Variants in PHF20L1 observed in about 807,000 individuals in gnomAD.
PHF20L1 encodes PHD finger protein 20-like protein 1.
Under a neutral mutation model 125.5 loss-of-function variants are expected in PHF20L1, and 44 were observed. The ratio of observed to expected loss-of-function variants is 0.35; its 90% CI spans 0.28 to 0.45. The LOEUF is 0.45. Among genes scored for constraint, PHF20L1 ranks in the 20% least tolerant of loss-of-function variants. PHF20L1 has a pLI of 1.00. For synonymous variants in PHF20L1, 380 were observed against 403.1 expected (o/e 0.94, Z 0.69); for missense variants, 1,012 against 1,217.2 (o/e 0.83, Z 2.51).
chr8:132,796,155 A>T (rs950965167), intron 4 of PHF20L1, among the ~76,000 whole-genome samples: 1 of 152,112 alleles, frequency 6.6e-6, no homozygotes, highest in Non-Finnish European at 1.5e-5. Context: ...TAGTGATCAA[A>T]GTGCTTTTCT....
chr8:132,792,955 C>G (rs1387924409), intron 2 of PHF20L1, among the ~76,000 whole-genome samples: 2 of 139,616 alleles, frequency 1.4e-5, no homozygotes, highest in Non-Finnish European at 3.0e-5. Context: ...TTGAGAAGAC[C>G]CCTTTTTTCT....
chr8:132,839,415 T>C lies in PHF20L1; in HGVS notation c.2220T>C (p.Tyr740=), dbSNP rs373167822. 20 of 1,613,272 alleles carry C rather than the reference T, an allele frequency of 1.2e-5. No homozygotes were observed. Among genetic ancestry groups the C allele is most frequent in the Admixed American group, 6.7e-5 (4 of 59,952 alleles). Residue 740 remains tyrosine (Y), a synonymous_variant, in exon 18 of 21, where the codon TAT becomes TAC. Coordinates refer to ENST00000395386, the MANE Select transcript of PHF20L1 (RefSeq NM_016018.5). ...PGQRWSAKYR[Y]DKEWLNNGRM... is the part of the protein sequence containing the mutation. ...AGAGGTGGAGTGCAAAATATCGTTA[T>C]GATAAGGAGTGGTTGAATAATGGGA...
chr8:132,791,816 G>A (rs1257078101), intron 2 of PHF20L1, among the ~76,000 whole-genome samples: 1 of 152,170 alleles, frequency 6.6e-6, no homozygotes, highest in Non-Finnish European at 1.5e-5. Context: ...TATGTAGAGA[G>A]TACAGCATGC....
chr8:132,775,913 C>G (rs1030485905), intron 1 of PHF20L1, among the ~76,000 whole-genome samples: 2 of 152,210 alleles, frequency 1.3e-5, no homozygotes, highest in African/African-American at 4.8e-5. Context: ...GTGCCACCCC[C>G]TCTCTGTCTG....
chr8:132,840,835 T>C (rs1206331431), intron 18 of PHF20L1, among the ~76,000 whole-genome samples: 1 of 152,110 alleles, frequency 6.6e-6, no homozygotes, highest in Admixed American at 6.6e-5. Flanking sequence ...TTTATGCTTG[T>C]CTCCCCTTAC....
rs1002080777 is a variant in PHF20L1 at position 132,847,364 on chromosome 8, A to G, written c.*1441A>G. 6 of 152,612 alleles carry G rather than the reference A, an allele frequency of 3.9e-5. No individual in the cohort carries two copies. The highest frequency in any genetic ancestry group is 1.2e-4 in the African/African-American group (5 of 41,454). 9.5% of individuals were successfully genotyped at this position (152,612 alleles called of 1,614,324 possible). On this transcript the variant is annotated 3_prime_UTR_variant, in exon 21 of 21. Transcript: ENST00000395386. ...GGAGAAAGACTGTTAAGAGGAGGCT[A>G]TTTGATGACATAACACTTGAATATT... is the stretch of plus-strand genomic sequence containing the variant.
At chr8:132,835,477 AAG>A (rs1837254474) in intron 15 of PHF20L1, among the ~76,000 whole-genome samples, 1 of 152,084 alleles carries the variant, frequency 6.6e-6, no homozygotes, top group Non-Finnish European at 1.5e-5. Context: ...GTTATAAATA[AAG>A]ATTCCCCCGT....
At position 132,838,017 on chromosome 8, in the gene PHF20L1, ATTCAT is replaced by A; in HGVS notation, c.2191+213_2191+217del. On this transcript the variant is annotated intron_variant, in intron 17 of 20. Coordinates refer to ENST00000395386, the MANE Select transcript of PHF20L1 (RefSeq NM_016018.5). ...TATGTATCAATTAGCTTATAGTACA[ATTCAT>A]TTCATTATTCAGTGTGCCAGTTTCC... 6.5e-6 allele frequency: 3 copies of A among 460,966 alleles called. No individual in the cohort carries two copies. In the South Asian group the frequency reaches 7.4e-5, roughly 11 times the overall value. The allele number at this position is 460,966 out of a possible 1,614,324, so 28.6% of individuals were successfully genotyped here.
At chr8:132,807,062 A>G (rs1051222812) in intron 8 of PHF20L1, 6 of 152,080 alleles carry the variant, frequency 3.9e-5, no homozygotes, top group Non-Finnish European at 2.9e-5. Flanking sequence ...CATTGACAAT[A>G]TAGTTGCACA....
chr8:132,830,165 G>T (rs1836607722), intron 14 of PHF20L1, among the ~76,000 whole-genome samples: 1 of 152,000 alleles, frequency 6.6e-6, no homozygotes, highest in Non-Finnish European at 1.5e-5. Flanking sequence ...AGTTTCCAGA[G>T]GCTTCTGCAT....
chr8:132,796,809 G>A (rs1433136604), intron 4 of PHF20L1, among the ~76,000 whole-genome samples: 1 of 152,042 alleles, frequency 6.6e-6, no homozygotes, highest in African/African-American at 2.4e-5. Context: ...ACAATTTGTG[G>A]AAGTAAAGGA....
intron 16 of PHF20L1, among the ~76,000 whole-genome samples, chr8:132,837,366 A>G (rs1837476947): frequency 6.6e-6 from 1 of 152,060 alleles, no homozygotes; most frequent in Non-Finnish European, 1.5e-5. Flanking sequence ...ACTGCTACCA[A>G]CTTTTTTTTC....
At position 132,832,268 on chromosome 8, in the gene PHF20L1, T is replaced by G. The variant is rs1173965307; in HGVS notation, c.1778T>G (p.Phe593Cys). ...GACTATGAAGACAGTTCCCTCGAAT[T>G]TTTGGAAAGGTGCTCTTCTCCACTA... ...YSDYEDSSLE[F>C]LERCSSPLTR... is the part of the protein sequence containing the mutation. The change falls in exon 15 of 21, where the codon TTT becomes TGT. Residue 593 changes from phenylalanine to cysteine, a missense_variant. Physicochemically the swap from Phe to Cys is radical, Grantham distance 205. Around this residue, in one of 7 missense-constraint regions of PHF20L1, gnomAD observed 320 missense variants for 293.8 expected, o/e 1.09. Coordinates refer to ENST00000395386, the MANE Select transcript of PHF20L1 (RefSeq NM_016018.5). 6.2e-7 allele frequency: 1 copy of G among 1,603,770 alleles called. No homozygotes were observed. Among genetic ancestry groups the G allele is most frequent in the Non-Finnish European group, 8.5e-7 (1 of 1,171,100 alleles).
At chr8:132,776,768 G>T (rs1829834493) in intron 1 of PHF20L1, among the ~76,000 whole-genome samples, 1 of 152,164 alleles carries the variant, frequency 6.6e-6, no homozygotes, top group Non-Finnish European at 1.5e-5. Context: ...TTTTTAAACT[G>T]TAGGGAACAT....
intron 6 of PHF20L1, among the ~76,000 whole-genome samples, chr8:132,802,512 G>A (rs921801976): frequency 2.0e-5 from 3 of 151,636 alleles, no homozygotes; most frequent in Admixed American, 1.3e-4. Context: ...GCAGCTTATA[G>A]CTAATTGTAT....
chr8:132,804,528 G>A, intron 7 of PHF20L1, 87 bp from the exon 8 acceptor site: 9 of 1,014,008 alleles, frequency 8.9e-6, no homozygotes, highest in South Asian at 3.1e-5. Flanking sequence ...AATGTGCAAA[G>A]CATTTTTACT....
At chr8:132,811,181 G>A (rs753014405) in intron 9 of PHF20L1, 53 bp downstream of exon 9, 17 of 1,605,822 alleles carry the variant, frequency 1.1e-5, no homozygotes, top group Middle Eastern at 1.7e-4. Flanking sequence ...GAATGATCAC[G>A]GAGCTCTAGT....
intron 18 of PHF20L1, among the ~76,000 whole-genome samples, chr8:132,840,040 T>A (rs1396724772): frequency 6.6e-6 from 1 of 152,136 alleles, no homozygotes; most frequent in Non-Finnish European, 1.5e-5. Flanking sequence ...ACCAAATATG[T>A]TAGTCATCCC....
intron 18 of PHF20L1, chr8:132,842,278 G>A (rs768278009): frequency 2.7e-5 from 10 of 364,596 alleles, no homozygotes; most frequent in Non-Finnish European, 4.9e-5. Flanking sequence ...ATCAAATGAT[G>A]ATGTGAACTA....
Sources: allele counts gnomAD v4.1 joint callset (sites outside exome capture counted in the v4.1 genomes callset), GRCh38; gene constraint gnomAD v4.1.1; regional missense constraint gnomAD v4.1.1; transcripts MANE v1.5; gene names NCBI Gene and HGNC (gene_info 2026-07-23, HGNC 2026-07-21).